The following TMX4 variants were observed in gnomAD, a reference collection of about 807,000 sequenced individuals.
TMX4 encodes thioredoxin related transmembrane protein 4, also known as thioredoxin-related transmembrane protein 4.
TMX4 carries 23 observed loss-of-function variants against 33.3 expected under a neutral mutation model. That is an observed-to-expected ratio of 0.69 (90% CI 0.50 to 0.98). The LOEUF (loss-of-function observed/expected upper bound fraction) is 0.98, where lower values mean the gene tolerates loss of function less well. Among genes scored for constraint, TMX4 ranks in the 50% least tolerant of loss-of-function variants. TMX4 has a pLI of 0.00. For missense variants in TMX4, 399 were observed against 448.9 expected (o/e 0.89, Z 1.01); for synonymous variants, 164 against 161.5 (o/e 1.02, Z -0.12).
At position 7,977,933 on chromosome 20, in the gene TMX4, T is replaced by C. The variant is rs182596789; in HGVS notation, c.*4318A>G. The C allele has an allele frequency of 3.3e-5, 5 of 152,348 alleles. No individual in the cohort carries two copies. The highest frequency in any genetic ancestry group is 4.8e-5 in the African/African-American group (2 of 41,584). The allele number at this position is 152,348 out of a possible 1,614,324, so 9.4% of individuals were successfully genotyped here. A position where few individuals can be genotyped will look rare whatever the true frequency, so the allele number is the denominator to read the frequency against. ...CAAAGGGCTTTTCAACTGAAGTTCT[T>C]ACTTCCAGAAAGCTGTTCAAAAAGC... On this transcript the variant is annotated 3_prime_UTR_variant, in exon 8 of 8. Transcript: ENST00000246024.
At chr20:8,018,013 T>G (rs574412742) in intron 1 of TMX4, among the ~76,000 whole-genome samples, 1 of 152,042 alleles carries the variant, frequency 6.6e-6, no homozygotes, top group African/African-American at 2.4e-5. Flanking sequence ...ATATGCCTTA[T>G]GTTCTTCGAG....
intron 6 of TMX4, among the ~76,000 whole-genome samples, chr20:7,984,850 T>C (rs1037870370): frequency 2.6e-5 from 4 of 151,686 alleles, no homozygotes; most frequent in Non-Finnish European, 5.9e-5. Flanking sequence ...GTTGGTGAGA[T>C]TACAAAAAAA....
chr20:7,993,515 G>A (rs2122860368), intron 5 of TMX4, among the ~76,000 whole-genome samples: 1 of 152,250 alleles, frequency 6.6e-6, no homozygotes, highest in East Asian at 1.9e-4. Flanking sequence ...AGGAAGGCAA[G>A]ACCATAACTA....
At position 7,979,078 on chromosome 20, in the gene TMX4, T is replaced by A. The variant is rs2050593564; in HGVS notation, c.*3173A>T. 6.6e-6 allele frequency: 1 copy of A among 152,146 alleles called. No individual in the cohort carries two copies. The highest frequency in any genetic ancestry group is 2.4e-5 in the African/African-American group (1 of 41,450). 9.4% of individuals were successfully genotyped at this position (152,146 alleles called of 1,614,324 possible). A position where few individuals can be genotyped will look rare whatever the true frequency, so the allele number is the denominator to read the frequency against. On this transcript the variant is annotated 3_prime_UTR_variant, in exon 8 of 8. Coordinates refer to ENST00000246024, the MANE Select transcript of TMX4 (RefSeq NM_021156.4). Reference sequence around the variant, plus strand: ...TAGAGGGAAGCATGATTTTAATTTTTTTTTTTTTTAGATTTTAAAAATCAA... The same window carrying A: ...TAGAGGGAAGCATGATTTTAATTTTATTTTTTTTTAGATTTTAAAAATCAA...
rs371733286 is a variant in TMX4, at chr20:8,016,424, C to G, written c.176+3014G>C. 1.2e-4 allele frequency among the ~76,000 whole-genome samples: 19 copies of G among 152,252 alleles called. No homozygotes were observed. The East Asian group carries it at 2.1e-3, about 17-fold the overall frequency. ...ATAGCATTAAAGAAAATGTATGTAG[C>G]AATGGGAGAACTTTTCAGATTTCTA... On this transcript the variant is annotated intron_variant, in intron 1 of 7. Coordinates refer to ENST00000246024, the MANE Select transcript of TMX4 (RefSeq NM_021156.4).
rs113435006 is a variant in TMX4 at position 7,999,875 on chromosome 20, A to G, written c.339-15T>C. The G allele has an allele frequency of 1.3e-6, 2 of 1,596,944 alleles. No homozygotes were observed. ...CATCCTTTGCACTATAAATTATGAA[A>G]ACAAGTAGAAAGCAAATGCATTAAA... is the stretch of plus-strand genomic sequence containing the variant. On this transcript the variant is annotated splice_polypyrimidine_tract_variant and intron_variant, in intron 3 of 7. Coordinates refer to ENST00000246024, the MANE Select transcript of TMX4 (RefSeq NM_021156.4).
At position 7,982,496 on chromosome 20, in the gene TMX4, CTTCT is replaced by C. The variant is rs746182394; in HGVS notation, c.801_804del (p.Glu268IlefsTer39). The C allele has an allele frequency of 1.9e-6, 3 of 1,613,900 alleles. No homozygotes were observed. The highest frequency in any genetic ancestry group is 1.7e-6 in the Non-Finnish European group (2 of 1,179,854). On this transcript the variant is annotated frameshift_variant, in exon 8 of 8. Transcript: ENST00000246024. LOFTEE classifies it low-confidence loss of function (END_TRUNC). ...TCTGCTTCATCCTCATCGCCAAGAT[CTTCT>C]TTCTCTTCTTCATCATCTACAAGGC...
At position 7,983,798 on chromosome 20, in the gene TMX4, A is replaced by G. The variant is rs1261022003; in HGVS notation, c.675T>C (p.Arg225=). Residue 225 remains arginine (R), a synonymous_variant, in exon 7 of 8, where the codon CGT becomes CGC. Coordinates refer to ENST00000246024, the MANE Select transcript of TMX4 (RefSeq NM_021156.4). The part of the protein sequence containing the change: ...YVPLPRHLSE[R]SEQNRRSEEA... Reference sequence around the variant, plus strand: ...ACAGGAGCTTATCGTACTTACCAGAACGCTCAGATAAATGCCTTGGAAGTG... The same window carrying G: ...ACAGGAGCTTATCGTACTTACCAGAGCGCTCAGATAAATGCCTTGGAAGTG... The G allele has an allele frequency of 1.2e-6, 2 of 1,613,464 alleles. No homozygotes were observed. The highest frequency in any genetic ancestry group is 3.3e-5 in the Admixed American group (2 of 59,982).
Position 8,019,566 on chromosome 20 carries a change from G to C in TMX4, c.48C>G (p.Ala16=). 7.0e-7 allele frequency: 1 copy of C among 1,424,778 alleles called. No individual in the cohort carries two copies. Among genetic ancestry groups the C allele is most frequent in the South Asian group, 1.5e-5 (1 of 66,786 alleles). 88.3% of individuals were successfully genotyped at this position (1,424,778 alleles called of 1,614,324 possible). Residue 16 remains alanine (A), a synonymous_variant, in exon 1 of 8, where the codon GCC becomes GCG. Transcript: ENST00000246024. The part of the protein sequence containing the change: ...CGPQLTALLA[A]WIAAVAATAG... Reference sequence around the variant, plus strand: ...CCGTCGCCGCCACAGCCGCGATCCAGGCGGCCAGGAGCGCCGTTAGCTGCG... The same window carrying C: ...CCGTCGCCGCCACAGCCGCGATCCACGCGGCCAGGAGCGCCGTTAGCTGCG...
intron 2 of TMX4, among the ~76,000 whole-genome samples, chr20:8,009,861 TAAAAAAAAAAA>T (rs11289988): frequency 1.8e-4 from 15 of 84,606 alleles, no homozygotes; most frequent in African/African-American, 5.1e-4. Flanking sequence ...CAAAAAACTG[TAAAAAAAAAAA>T]AAAAAAAAAA....
chr20:8,005,809 A>T (rs1051204278), intron 2 of TMX4, among the ~76,000 whole-genome samples: 1 of 152,140 alleles, frequency 6.6e-6, no homozygotes, highest in Non-Finnish European at 1.5e-5. Flanking sequence ...TAGTTGGAGG[A>T]CAGCCCAGCC....
intron 6 of TMX4, 104 bp downstream of exon 6, chr20:7,987,184 C>T: frequency 1.2e-6 from 1 of 836,894 alleles, no homozygotes; most frequent in Non-Finnish European, 1.9e-6. Context: ...TTAGATTGCA[C>T]AAAATACTAT....
intron 1 of TMX4, among the ~76,000 whole-genome samples, chr20:8,014,885 C>T (rs994025418): frequency 6.6e-6 from 1 of 152,206 alleles, no homozygotes; most frequent in African/African-American, 2.4e-5. Context: ...CCTGTGCCTT[C>T]CTCCAGGCTC....
chr20:8,019,070 C>T (rs2050797770), intron 1 of TMX4: 1 of 464,876 alleles, frequency 2.2e-6, no homozygotes, highest in African/African-American at 2.0e-5. Context: ...TGCAGATTTT[C>T]TTCCTTCCCT....
At position 7,981,456 on chromosome 20, in the gene TMX4, T is replaced by A. The variant is rs1319295813; in HGVS notation, c.*795A>T. On this transcript the variant is annotated 3_prime_UTR_variant, in exon 8 of 8. Coordinates refer to ENST00000246024, the MANE Select transcript of TMX4 (RefSeq NM_021156.4). ...TTTTTAATCTGTCTTGTAAAATCCT[T>A]ACTTCCTTTTGAGTCTCTGATGGCC... The A allele has an allele frequency of 2.0e-5, 3 of 152,226 alleles. No individual in the cohort carries two copies. The highest frequency in any genetic ancestry group is 4.4e-5 in the Non-Finnish European group (3 of 68,038). 9.4% of individuals were successfully genotyped at this position (152,226 alleles called of 1,614,324 possible). A position where few individuals can be genotyped will look rare whatever the true frequency, so the allele number is the denominator to read the frequency against.
At chr20:8,010,486 GATTTA>G (rs1236508555) in intron 1 of TMX4, among the ~76,000 whole-genome samples, 171 bp from the exon 2 acceptor site, 4 of 152,074 alleles carry the variant, frequency 2.6e-5, no homozygotes, top group African/African-American at 7.2e-5. Context: ...TCCCCACTAG[GATTTA>G]ATGTATGAAT....
At chr20:8,011,038 A>T (rs1292789871) in intron 1 of TMX4, among the ~76,000 whole-genome samples, 1 of 152,134 alleles carries the variant, frequency 6.6e-6, no homozygotes, top group Non-Finnish European at 1.5e-5. Flanking sequence ...AACAGAGATA[A>T]GCATGGGGGG....
At chr20:8,003,759 G>C (rs1219813034) in intron 2 of TMX4, among the ~76,000 whole-genome samples, 1 of 152,108 alleles carries the variant, frequency 6.6e-6, no homozygotes, top group Non-Finnish European at 1.5e-5. Flanking sequence ...CTAGATTAAA[G>C]GGTATAATAA....
At chr20:8,014,690 C>T (rs1276049717) in intron 1 of TMX4, among the ~76,000 whole-genome samples, 1 of 152,178 alleles carries the variant, frequency 6.6e-6, no homozygotes, top group Non-Finnish European at 1.5e-5. Context: ...GATGGGAAGG[C>T]AGGGCACCTG....
Sources: gnomAD v4.1 joint callset for allele counts (sites outside exome capture counted in the v4.1 genomes callset) on GRCh38, gnomAD v4.1.1 for gene constraint, MANE v1.5 for transcripts, NCBI Gene and HGNC (gene_info 2026-07-23, HGNC 2026-07-21) for gene names.